AKAP10: variants seen among roughly 807,000 people sequenced by gnomAD.
AKAP10 encodes the protein A-kinase anchor protein 10, mitochondrial.
In AKAP10, 24 loss-of-function variants were observed where a neutral mutation model predicts 80.8. That is an observed-to-expected ratio of 0.30 (90% CI 0.22 to 0.42). The LOEUF (loss-of-function observed/expected upper bound fraction) is 0.42, where lower values mean the gene tolerates loss of function less well. Ranked by LOEUF, AKAP10 falls within the 10% of genes least tolerant of loss-of-function variation. The pLI, the probability that AKAP10 is intolerant of heterozygous loss-of-function variation, is 1.00. For synonymous variants in AKAP10, 291 were observed against 277.7 expected (o/e 1.05, Z -0.48); for missense variants, 661 against 794.9 (o/e 0.83, Z 2.03).
At chr17:19,968,307 G>A in intron 2 of AKAP10, 107 bp downstream of exon 2, 1 of 801,308 alleles carries the variant, frequency 1.2e-6, no homozygotes, top group South Asian at 2.0e-5. Flanking sequence ...TATAAAATAA[G>A]GCAGAAATGA....
chr17:19,950,918 G>A (rs1220739830), intron 4 of AKAP10, among the ~76,000 whole-genome samples: 2 of 149,692 alleles, frequency 1.3e-5, no homozygotes, highest in African/African-American at 2.5e-5. Context: ...CCTCTGCCCC[G>A]CCGCCCCGTC....
At position 19,961,021 on chromosome 17, in the gene AKAP10, T is replaced by TAAAC. The variant is rs1361450526; in HGVS notation, c.319+1818_319+1819insGTTT. Among the ~76,000 whole-genome samples, 95 of 143,440 alleles carry TAAAC rather than the reference T, an allele frequency of 6.6e-4. 1 individual carries two copies. Among genetic ancestry groups the TAAAC allele is most frequent in the Admixed American group, 1.7e-3 (25 of 14,464 alleles). The allele number at this position is 143,440 out of a possible 152,430, so 94.1% of individuals were successfully genotyped here. ...CAGCCTGTGAGACTCCGTCTACAAA[T>TAAAC]AAATAAACAAACAAACAAACAAACA... On this transcript the variant is annotated intron_variant, in intron 3 of 14. Transcript: ENST00000225737.
chr17:19,925,585 T>A (rs2042867604), intron 10 of AKAP10, among the ~76,000 whole-genome samples: 1 of 152,158 alleles, frequency 6.6e-6, no homozygotes, highest in African/African-American at 2.4e-5. Context: ...ATGACTTATA[T>A]ACAAGATTAT....
intron 9 of AKAP10, among the ~76,000 whole-genome samples, chr17:19,934,751 G>A (rs965191454): frequency 6.6e-6 from 1 of 152,138 alleles, no homozygotes; most frequent in Non-Finnish European, 1.5e-5. Context: ...GGTAGCTCAT[G>A]CCTGTAATCC....
At chr17:19,934,973 C>A (rs2042976758) in intron 9 of AKAP10, among the ~76,000 whole-genome samples, 1 of 152,210 alleles carries the variant, frequency 6.6e-6, no homozygotes, top group Non-Finnish European at 1.5e-5. Context: ...GACTGTGCAA[C>A]TGCACTCCAG....
At chr17:19,951,199 G>C (rs1365978599) in intron 4 of AKAP10, among the ~76,000 whole-genome samples, 1 of 85,472 alleles carries the variant, frequency 1.2e-5, no homozygotes, top group Non-Finnish European at 2.8e-5. Context: ...GTCAGCCCCC[G>C]CCCGGCCAGC....
intron 5 of AKAP10, among the ~76,000 whole-genome samples, chr17:19,943,964 T>A (rs1406525694): frequency 6.6e-6 from 1 of 151,686 alleles, no homozygotes; most frequent in South Asian, 2.1e-4. Flanking sequence ...TTCTGTTTTG[T>A]GAGAGTTCAG....
intron 3 of AKAP10, among the ~76,000 whole-genome samples, chr17:19,960,742 C>A: frequency 6.6e-6 from 1 of 152,122 alleles, no homozygotes; most frequent in East Asian, 1.9e-4. Flanking sequence ...TAAGAAACCA[C>A]CAGCCAGGGA....
rs2043373447 is a variant in AKAP10 at position 19,963,115 on chromosome 17, T to C, written c.137-93A>G. ...CTTTCAGAGAACTTTAAAAATTAAA[T>C]TTTGTAACATTACTCTTAAGTCAGC... On this transcript the variant is annotated intron_variant, in intron 2 of 14. Transcript: ENST00000225737. 4 of 1,099,374 alleles carry C rather than the reference T, an allele frequency of 3.6e-6. No individual in the cohort carries two copies. In the South Asian group the frequency reaches 7.8e-5, roughly 21 times the overall value. 68.1% of individuals were successfully genotyped at this position (1,099,374 alleles called of 1,614,324 possible). A position where few individuals can be genotyped will look rare whatever the true frequency, so the allele number is the denominator to read the frequency against.
Position 19,958,538 on chromosome 17 carries a change from G to A in AKAP10, c.353C>T (p.Thr118Ile). 1 of 1,606,430 alleles carries A rather than the reference G, an allele frequency of 6.2e-7. No homozygotes were observed. Among genetic ancestry groups the A allele is most frequent in the Non-Finnish European group, 8.5e-7 (1 of 1,179,612 alleles). ...RSCLDYQTQE[T>I]KSSLSKTLEQ... ...AAGGGTCTTAGAAAGGCTTGATTTG[G>A]TCTCTTGAGTCTGGTAGTCCAGACA... The change falls in exon 4 of 15, where the codon ACC becomes ATC. Residue 118 changes from threonine to isoleucine, a missense_variant. Transcript: ENST00000225737.
chr17:19,965,559 G>A (rs929977403), intron 2 of AKAP10, among the ~76,000 whole-genome samples: 3 of 152,066 alleles, frequency 2.0e-5, no homozygotes, highest in African/African-American at 7.2e-5. Context: ...TTGTCTGAAG[G>A]CCCCTTTGCC....
At chr17:19,942,011 AAG>A in intron 5 of AKAP10, 101 bp from the exon 6 acceptor site, 1 of 876,970 alleles carries the variant, frequency 1.1e-6, no homozygotes, top group Non-Finnish European at 1.6e-6. Flanking sequence ...CATATAAATT[AAG>A]AGGTTTTAAA....
chr17:19,918,439 C>A (rs2152410662), intron 12 of AKAP10, among the ~76,000 whole-genome samples: 1 of 152,204 alleles, frequency 6.6e-6, no homozygotes, highest in South Asian at 2.1e-4. Context: ...GAGCCTGAGG[C>A]AGTAGGATCG....
intron 9 of AKAP10, among the ~76,000 whole-genome samples, chr17:19,934,314 T>G (rs762948034): frequency 1.3e-5 from 2 of 152,164 alleles, no homozygotes; most frequent in Non-Finnish European, 2.9e-5. Flanking sequence ...TGGTGATATA[T>G]GTGGATCATT....
intron 1 of AKAP10, 53 bp downstream of exon 1, chr17:19,977,539 C>T (rs2043586326): frequency 1.6e-6 from 2 of 1,215,308 alleles, no homozygotes; most frequent in African/African-American, 1.6e-5. Flanking sequence ...CCACCTGCCC[C>T]ACCGCCGCCC....
intron 12 of AKAP10, among the ~76,000 whole-genome samples, chr17:19,913,529 C>T (rs940814492): frequency 5.9e-5 from 9 of 151,996 alleles, no homozygotes; most frequent in Admixed American, 3.3e-4. Context: ...CTCAGTGATC[C>T]GCTCGCCTTG....
chr17:19,910,975 C>G (rs1194869287), intron 12 of AKAP10, among the ~76,000 whole-genome samples: 2 of 152,194 alleles, frequency 1.3e-5, no homozygotes, highest in African/African-American at 4.8e-5. Flanking sequence ...TTTGAACATG[C>G]TCACTTCCTA....
At chr17:19,974,636 C>T (rs533859294) in intron 1 of AKAP10, among the ~76,000 whole-genome samples, 1 of 152,138 alleles carries the variant, frequency 6.6e-6, no homozygotes, top group East Asian at 1.9e-4. Flanking sequence ...AAGTCTGAAT[C>T]GAATCCCTAA....
At chr17:19,936,097 T>C (rs931299422) in intron 9 of AKAP10, 189 bp downstream of exon 9, 1 of 500,456 alleles carries the variant, frequency 2.0e-6, no homozygotes, top group Non-Finnish European at 3.4e-6. Context: ...CGCAGTCCAC[T>C]GTTGACTAAA....
Sources: allele counts gnomAD v4.1 joint callset (sites outside exome capture counted in the v4.1 genomes callset), GRCh38; gene constraint gnomAD v4.1.1; transcripts MANE v1.5; gene names NCBI Gene and HGNC (gene_info 2026-07-23, HGNC 2026-07-21).